GOLPH3L: variants seen among roughly 807,000 people sequenced by gnomAD.
GOLPH3L encodes Golgi phosphoprotein 3-like.
GOLPH3L carries 22 observed loss-of-function variants against 30.3 expected under a neutral mutation model. The ratio of observed to expected loss-of-function variants is 0.73; its 90% CI spans 0.52 to 1.04. GOLPH3L has a LOEUF of 1.04. Ranked by LOEUF, GOLPH3L falls within the 50% of genes least tolerant of loss-of-function variation. GOLPH3L has a pLI of 0.00. For missense variants in GOLPH3L, 303 were observed against 345.8 expected, an observed-to-expected ratio of 0.88 and a Z score of 0.98; for synonymous variants, 120 against 128.2, an observed-to-expected ratio of 0.94 and a Z score of 0.43.
At chr1:150,670,366 G>C (rs895150318) in intron 2 of GOLPH3L, among the ~76,000 whole-genome samples, 10 of 152,182 alleles carry the variant, frequency 6.6e-5, no homozygotes, top group Admixed American at 3.9e-4. Context: ...GGGAGGCTGA[G>C]GCGAGTGGAT....
chr1:150,688,252 AAAC>A (rs1250551641), intron 2 of GOLPH3L, among the ~76,000 whole-genome samples: 4 of 152,244 alleles, frequency 2.6e-5, no homozygotes, highest in Non-Finnish European at 5.9e-5. Context: ...TAGAAAACTT[AAAC>A]AATAAAGCAT....
chr1:150,664,924 G>A (rs1421152681), intron 2 of GOLPH3L, among the ~76,000 whole-genome samples: 1 of 152,112 alleles, frequency 6.6e-6, no homozygotes, highest in Non-Finnish European at 1.5e-5. Context: ...ATATAAGAAA[G>A]CATTTAGTAT....
At chr1:150,666,196 T>G (rs1400432007) in intron 2 of GOLPH3L, among the ~76,000 whole-genome samples, 3 of 152,188 alleles carry the variant, frequency 2.0e-5, no homozygotes, top group Non-Finnish European at 2.9e-5. Flanking sequence ...GCTTCAAAAA[T>G]TCTCAGCTCT....
At chr1:150,679,351 A>G (rs1650892637) in intron 2 of GOLPH3L, among the ~76,000 whole-genome samples, 1 of 152,218 alleles carries the variant, frequency 6.6e-6, no homozygotes, top group South Asian at 2.1e-4. Context: ...CAAAAATTCT[A>G]GATTAAAGTT....
intron 2 of GOLPH3L, among the ~76,000 whole-genome samples, chr1:150,680,393 G>GT (rs587638942): frequency 5.3e-5 from 8 of 152,032 alleles, no homozygotes; most frequent in South Asian, 4.2e-4. Context: ...TAAATTAAGA[G>GT]TTTTTTTTAA....
At chr1:150,682,182 T>A (rs1650970185) in intron 2 of GOLPH3L, among the ~76,000 whole-genome samples, 2 of 152,206 alleles carry the variant, frequency 1.3e-5, no homozygotes, top group African/African-American at 2.4e-5. Flanking sequence ...ATAGGTGGTT[T>A]TTATTTTCTT....
chr1:150,671,572 C>G (rs983230098), intron 2 of GOLPH3L, among the ~76,000 whole-genome samples: 2 of 151,862 alleles, frequency 1.3e-5, no homozygotes, highest in African/African-American at 4.8e-5. Context: ...TTTGGGAGGC[C>G]AAGGCGGGCG....
intron 2 of GOLPH3L, among the ~76,000 whole-genome samples, chr1:150,679,431 C>T (rs1650894445): frequency 6.6e-6 from 1 of 152,166 alleles, no homozygotes; most frequent in Non-Finnish European, 1.5e-5. Flanking sequence ...AAATGAAAGA[C>T]CCCAAAACTT....
intron 2 of GOLPH3L, among the ~76,000 whole-genome samples, chr1:150,680,600 C>T (rs1012439573): frequency 1.3e-5 from 2 of 152,084 alleles, no homozygotes; most frequent in African/African-American, 4.8e-5. Flanking sequence ...TTTGTAAGAG[C>T]TGATTCAACT....
At chr1:150,659,544 T>G (rs1650322849) in intron 4 of GOLPH3L, among the ~76,000 whole-genome samples, 1 of 152,190 alleles carries the variant, frequency 6.6e-6, no homozygotes, top group Non-Finnish European at 1.5e-5. Context: ...TAGTAAACCT[T>G]ATGATTGGCT....
intron 2 of GOLPH3L, among the ~76,000 whole-genome samples, chr1:150,684,825 G>A (rs1449580216): frequency 6.6e-6 from 1 of 151,956 alleles, no homozygotes; most frequent in African/African-American, 2.4e-5. Context: ...GCACTACCAC[G>A]CCCAGCTAAT....
intron 2 of GOLPH3L, among the ~76,000 whole-genome samples, chr1:150,665,856 A>G (rs1650488264): frequency 6.6e-6 from 1 of 152,108 alleles, no homozygotes; most frequent in Non-Finnish European, 1.5e-5. Flanking sequence ...AGTCTGTTGG[A>G]GGCAGTTTCT....
chr1:150,667,760 A>G (rs1650542769), intron 2 of GOLPH3L, among the ~76,000 whole-genome samples: 1 of 151,298 alleles, frequency 6.6e-6, no homozygotes, highest in East Asian at 1.9e-4. Context: ...ACCCAGCTAA[A>G]TTTTTTTATA....
At chr1:150,673,061 G>A (rs1045808123) in intron 2 of GOLPH3L, among the ~76,000 whole-genome samples, 2 of 151,940 alleles carry the variant, frequency 1.3e-5, no homozygotes, top group African/African-American at 4.8e-5. Context: ...GTCAGTGAAA[G>A]GGAAATGCAA....
At chr1:150,653,167 C>CAAAAAAAA (rs1157485404) in intron 4 of GOLPH3L, among the ~76,000 whole-genome samples, 1 of 65,502 alleles carries the variant, frequency 1.5e-5, no homozygotes, top group Non-Finnish European at 3.2e-5. Context: ...ACCCAAAAGC[C>CAAAAAAAA]AAAAAAACAA....
intron 4 of GOLPH3L, among the ~76,000 whole-genome samples, chr1:150,650,393 C>T (rs1650078102): frequency 6.6e-6 from 1 of 152,208 alleles, no homozygotes; most frequent in Non-Finnish European, 1.5e-5. Context: ...AAACAAATTA[C>T]CAAGCAAACA....
intron 2 of GOLPH3L, among the ~76,000 whole-genome samples, chr1:150,675,764 A>C (rs1256732850): frequency 2.2e-5 from 3 of 134,042 alleles, no homozygotes; most frequent in Non-Finnish European, 4.8e-5. Flanking sequence ...CGACAGAGTA[A>C]GAGAGACTCT....
intron 2 of GOLPH3L, among the ~76,000 whole-genome samples, chr1:150,666,506 G>A (rs758488725): frequency 2.0e-5 from 3 of 151,968 alleles, no homozygotes; most frequent in Non-Finnish European, 4.4e-5. Flanking sequence ...CACCACGCCT[G>A]GCTAATTTTT....
At chr1:150,695,612 GTAC>G (rs1557792159) in intron 1 of GOLPH3L, among the ~76,000 whole-genome samples, 1 of 151,922 alleles carries the variant, frequency 6.6e-6, no homozygotes, top group African/African-American at 2.4e-5. Flanking sequence ...ACGTTCCATG[GTAC>G]TACATTATAA....
Sources: allele counts gnomAD v4.1 joint callset (sites outside exome capture counted in the v4.1 genomes callset), GRCh38; gene constraint gnomAD v4.1.1; transcripts MANE v1.5; gene names NCBI Gene and HGNC (gene_info 2026-07-23, HGNC 2026-07-21).